The following ZSCAN25 variants were observed in gnomAD, a reference collection of about 807,000 sequenced individuals.
ZSCAN25 encodes zinc finger and SCAN domain containing 25.
ZSCAN25 carries 27 observed loss-of-function variants against 38.7 expected under a neutral mutation model. That is an observed-to-expected ratio of 0.70 (90% CI 0.51 to 0.96). The LOEUF (loss-of-function observed/expected upper bound fraction) is 0.96, where lower values mean the gene tolerates loss of function less well. Among genes scored for constraint, ZSCAN25 ranks in the 40% least tolerant of loss-of-function variants. The pLI is 0.00. For missense variants in ZSCAN25, 637 were observed against 705.9 expected, an observed-to-expected ratio of 0.90 and a Z score of 1.11; for synonymous variants, 273 against 277.7, an observed-to-expected ratio of 0.98 and a Z score of 0.17.
the ZSCAN25 span, chr7:99,672,501 G>T: frequency 7.9e-7 from 1 of 1,261,300 alleles, no homozygotes; most frequent in Non-Finnish European, 1.2e-6. Context: ...GTAACCTTCT[G>T]TGAATATATG....
chr7:99,684,960 A>T, the ZSCAN25 span: 1 of 506,690 alleles, frequency 2.0e-6, no homozygotes. Context: ...ATTCCCAAGT[A>T]TAACACTCTA....
chr7:99,693,778 C>T, the ZSCAN25 span, among the ~76,000 whole-genome samples: 15 of 152,214 alleles, frequency 9.9e-5, no homozygotes, highest in Non-Finnish European at 2.1e-4. Flanking sequence ...ATGCAGAAGT[C>T]ACCTATCTTC....
At chr7:99,693,149 T>G in the ZSCAN25 span, among the ~76,000 whole-genome samples, 1 of 152,186 alleles carries the variant, frequency 6.6e-6, no homozygotes, top group African/African-American at 2.4e-5. Context: ...ACAGTCAGAC[T>G]CCTCAGCTGC....
the ZSCAN25 span, among the ~76,000 whole-genome samples, chr7:99,712,474 C>T: frequency 6.6e-6 from 1 of 152,192 alleles, no homozygotes; most frequent in Non-Finnish European, 1.5e-5. Flanking sequence ...TAAAATTTTT[C>T]ATCAGTGGCA....
the ZSCAN25 span, chr7:99,717,116 A>G: frequency 2.5e-6 from 4 of 1,609,428 alleles, no homozygotes; most frequent in Non-Finnish European, 3.4e-6. Context: ...TATCAGCTCC[A>G]TAGCAGGCAG....
chr7:99,624,301 G>A, intron 7 of ZSCAN25, 121 bp downstream of exon 7: 1 of 1,320,234 alleles, frequency 7.6e-7, no homozygotes. Flanking sequence ...GCGGGTAAAT[G>A]GGTCCAGCAC....
At chr7:99,734,431 G>A in the ZSCAN25 span, among the ~76,000 whole-genome samples, 5 of 151,968 alleles carry the variant, frequency 3.3e-5, no homozygotes, top group Non-Finnish European at 7.4e-5. Flanking sequence ...GGTAAGCTGG[G>A]TACAAACCAT....
chr7:99,737,422 G>A, the ZSCAN25 span, among the ~76,000 whole-genome samples: 405 of 152,058 alleles, frequency 2.7e-3, 1 homozygote, highest in Non-Finnish European at 4.6e-3. Context: ...TAGAACAAAG[G>A]ACTCCATCTC....
At chr7:99,647,720 T>C in the ZSCAN25 span, 1 of 985,434 alleles carries the variant, frequency 1.0e-6, no homozygotes, top group South Asian at 4.7e-5. Context: ...ATGTTAATAA[T>C]CAAATTGGAA....
chr7:99,713,020 G>A, the ZSCAN25 span, among the ~76,000 whole-genome samples: 32 of 152,230 alleles, frequency 2.1e-4, no homozygotes, highest in Admixed American at 2.6e-4. Context: ...AGTTAAAATC[G>A]CCCTTATTTG....
At chr7:99,640,859 G>A in the ZSCAN25 span, among the ~76,000 whole-genome samples, 1 of 152,216 alleles carries the variant, frequency 6.6e-6, no homozygotes, top group Non-Finnish European at 1.5e-5. Context: ...AGTAGTATAT[G>A]TGTTGTGCCC....
the ZSCAN25 span, chr7:99,731,051 ACACT>A: frequency 6.2e-7 from 1 of 1,613,770 alleles, no homozygotes; most frequent in Non-Finnish European, 8.5e-7. Flanking sequence ...AAGCTCAAAA[ACACT>A]CACCTTACGG....
the ZSCAN25 span, chr7:99,672,659 G>C: frequency 2.5e-6 from 4 of 1,614,014 alleles, no homozygotes; most frequent in Non-Finnish European, 3.4e-6. Context: ...GGCCAGCACA[G>C]GGAGTTGACC....
the ZSCAN25 span, among the ~76,000 whole-genome samples, chr7:99,718,135 G>C: frequency 6.6e-6 from 1 of 152,048 alleles, no homozygotes; most frequent in Admixed American, 6.6e-5. Context: ...GGTGGGGAGA[G>C]GGGGGAAGGA....
chr7:99,629,969 C>G lies in ZSCAN25; in HGVS notation c.1584C>G (p.Ile528Met). 1 of 1,606,180 alleles carries G rather than the reference C, an allele frequency of 6.2e-7. No homozygotes were observed. The highest frequency in any genetic ancestry group is 8.5e-7 in the Non-Finnish European group (1 of 1,175,882). The change falls in exon 8 of 8, where the codon ATC becomes ATG. Residue 528 changes from isoleucine (I) to methionine (M), a missense_variant. Transcript: ENST00000394152. The surrounding 1 kb of genome is among the most constrained non-coding windows in gnomAD (Gnocchi z 5.6). ...GGCGAAGCTTCAACCAGAGGTCCAT[C>G]CTCAACCGGCACCAGAAGACCCAGC... ...ACGRSFNQRS[I>M]LNRHQKTQHR...
At chr7:99,672,505 A>T in the ZSCAN25 span, 1 of 1,287,590 alleles carries the variant, frequency 7.8e-7, no homozygotes, top group East Asian at 2.3e-5. Context: ...CCTTCTGTGA[A>T]TATATGTTTT....
the ZSCAN25 span, chr7:99,650,379 G>T: frequency 1.4e-6 from 1 of 715,742 alleles, no homozygotes; most frequent in Non-Finnish European, 2.3e-6. Context: ...TTGAAATCCT[G>T]CTTTGGTTAT....
chr7:99,621,327 G>T (rs760025309), intron 4 of ZSCAN25, 46 bp from the exon 5 acceptor site: 1 of 1,313,432 alleles, frequency 7.6e-7, no homozygotes, highest in African/African-American at 1.5e-5. Flanking sequence ...CTTCATAACA[G>T]CCTTGCCCAG....
the ZSCAN25 span, among the ~76,000 whole-genome samples, chr7:99,692,305 T>G: frequency 2.0e-5 from 3 of 152,206 alleles, no homozygotes; most frequent in African/African-American, 7.2e-5. Flanking sequence ...GAAGCCGACC[T>G]TTCTCTCTGG....
Sources: allele counts gnomAD v4.1 joint callset (sites outside exome capture counted in the v4.1 genomes callset), GRCh38; gene constraint gnomAD v4.1.1; non-coding constraint Gnocchi (gnomAD v3.1); transcripts MANE v1.5; gene names NCBI Gene and HGNC (gene_info 2026-07-23, HGNC 2026-07-21).